The following RBFOX1 variants were observed in gnomAD, a reference collection of about 807,000 sequenced individuals.
RBFOX1 encodes the protein RNA binding fox-1 homolog 1, also known as RNA binding protein fox-1 homolog 1.
In RBFOX1, 8 loss-of-function variants were observed where a neutral mutation model predicts 57.7. That is an observed-to-expected ratio of 0.14 (90% confidence interval 0.08 to 0.25). RBFOX1 has a LOEUF of 0.25. RBFOX1 is among the 10% of genes least tolerant of loss of function. The probability of loss-of-function intolerance (pLI) is 1.00; values close to 1 mark genes in which losing one functional copy is unlikely to be tolerated. For synonymous variants in RBFOX1, 326 were observed against 222.4 expected, an observed-to-expected ratio of 1.47 and a Z score of -4.15; for missense variants, 611 against 548.5, an observed-to-expected ratio of 1.11 and a Z score of -1.14.
chr16:5,669,159 C>T (rs984121316), intron 3 of RBFOX1, among the ~76,000 whole-genome samples: 1 of 152,120 alleles, frequency 6.6e-6, no homozygotes, highest in Non-Finnish European at 1.5e-5. Flanking sequence ...GGCCTTTACC[C>T]CTAAGTGTGA....
At chr16:6,455,894 G>A (rs1041723157) in intron 2 of RBFOX1, among the ~76,000 whole-genome samples, 8 of 152,108 alleles carry the variant, frequency 5.3e-5, no homozygotes, top group Non-Finnish European at 1.2e-4. Context: ...TGAAATAATT[G>A]GGGGGTGGTA....
intron 3 of RBFOX1, among the ~76,000 whole-genome samples, chr16:7,016,188 C>G (rs757976058): frequency 1.3e-5 from 2 of 152,110 alleles, no homozygotes; most frequent in African/African-American, 2.4e-5. Context: ...ATTTGAAGTC[C>G]TTTGTTGAGA....
intron 4 of RBFOX1, among the ~76,000 whole-genome samples, chr16:7,277,953 A>C (rs1391865237): frequency 6.6e-6 from 1 of 152,102 alleles, no homozygotes; most frequent in Middle Eastern, 3.2e-3. Context: ...ATTAGCAAAA[A>C]AAAAAAAAAG....
chr16:6,613,003 A>ATGTGTGTGTG (rs57236292), intron 2 of RBFOX1, among the ~76,000 whole-genome samples: 8 of 143,160 alleles, frequency 5.6e-5, no homozygotes, highest in African/African-American at 1.6e-4. Flanking sequence ...CAGTCCCAGC[A>ATGTGTGTGTG]TGTGTGTGTG....
chr16:7,642,039 C>T (rs1301934789), intron 11 of RBFOX1, among the ~76,000 whole-genome samples: 1 of 152,098 alleles, frequency 6.6e-6, no homozygotes, highest in African/African-American at 2.4e-5. Context: ...GACTTGAGCC[C>T]AGGAGTTTGA....
intron 3 of RBFOX1, among the ~76,000 whole-genome samples, chr16:6,907,596 G>A (rs1402530034): frequency 2.6e-5 from 4 of 152,080 alleles, no homozygotes; most frequent in South Asian, 4.2e-4. Context: ...TTTTGATGGA[G>A]TCTCACTCTG....
intron 3 of RBFOX1, among the ~76,000 whole-genome samples, chr16:5,631,849 G>T (rs970990178): frequency 6.6e-6 from 1 of 152,174 alleles, no homozygotes; most frequent in Admixed American, 6.6e-5. Flanking sequence ...TTGGCCAAAG[G>T]CAGCTCCCAT....
intron 12 of RBFOX1, among the ~76,000 whole-genome samples, chr16:7,664,551 G>A (rs1327611528): frequency 6.6e-6 from 1 of 152,118 alleles, no homozygotes; most frequent in Non-Finnish European, 1.5e-5. Context: ...ATTCTGTGGG[G>A]TAGGGGGCTA....
chr16:5,622,329 T>C (rs926318137), intron 3 of RBFOX1, among the ~76,000 whole-genome samples: 2 of 152,210 alleles, frequency 1.3e-5, no homozygotes, highest in South Asian at 2.1e-4. Flanking sequence ...TATGCATAAT[T>C]AATTAGTTAT....
chr16:6,898,226 C>T (rs181133661), intron 3 of RBFOX1, among the ~76,000 whole-genome samples: 1 of 152,246 alleles, frequency 6.6e-6, no homozygotes, highest in Non-Finnish European at 1.5e-5. Context: ...ATGGCCGCCC[C>T]TTTGGCATCA....
chr16:7,603,361 T>C (rs1297255958), intron 9 of RBFOX1, among the ~76,000 whole-genome samples: 2 of 152,234 alleles, frequency 1.3e-5, no homozygotes, highest in African/African-American at 2.4e-5. Context: ...GAGATTCATG[T>C]TGGACAGCAG....
chr16:5,479,641 C>T (rs546646317), intron 2 of RBFOX1, among the ~76,000 whole-genome samples: 11 of 152,180 alleles, frequency 7.2e-5, no homozygotes, highest in East Asian at 1.9e-4. Flanking sequence ...CGCCTGTCAT[C>T]GCAGCTACTT....
intron 3 of RBFOX1, among the ~76,000 whole-genome samples, chr16:5,766,143 T>C (rs975182491): frequency 2.1e-4 from 32 of 152,204 alleles, no homozygotes; most frequent in African/African-American, 7.7e-4. Flanking sequence ...AATGCCATCA[T>C]AGATATTCAT....
intron 1 of RBFOX1, among the ~76,000 whole-genome samples, chr16:5,343,351 A>C (rs2065073714): frequency 8.2e-6 from 1 of 121,624 alleles, no homozygotes; most frequent in African/African-American, 3.2e-5. Flanking sequence ...ATCTTACTCC[A>C]TTGCCCAGGC....
rs763250831 is a variant in RBFOX1, at chr16:7,595,587, G to C, written c.507G>C (p.Ala169=). Residue 169 remains alanine (A), a synonymous_variant, in exon 8 of 16, where the codon GCG becomes GCC. Transcript: ENST00000550418. The part of the protein sequence containing the change: ...GFVTFENSAD[A]DRAREKLHGT... ...TAACTTTCGAAAATAGTGCCGATGC[G>C]GACAGGGCGAGGGAGAAATTACACG... 23 of 1,563,906 alleles carry C rather than the reference G, an allele frequency of 1.5e-5. No homozygotes were observed. The highest frequency in any genetic ancestry group is 2.0e-5 in the Non-Finnish European group (23 of 1,151,820).
chr16:6,456,563 T>G (rs111727970), intron 2 of RBFOX1, among the ~76,000 whole-genome samples: 1 of 152,182 alleles, frequency 6.6e-6, no homozygotes, highest in African/African-American at 2.4e-5. Flanking sequence ...TAAGGACAAT[T>G]GGGAACCATT....
At chr16:6,639,643 G>A (rs1216805319) in intron 2 of RBFOX1, among the ~76,000 whole-genome samples, 4 of 152,274 alleles carry the variant, frequency 2.6e-5, no homozygotes, top group African/African-American at 7.2e-5. Flanking sequence ...TTGGGAGGCC[G>A]AGGCGGGCGG....
At chr16:7,219,141 G>A (rs190420157) in intron 4 of RBFOX1, among the ~76,000 whole-genome samples, 6 of 152,230 alleles carry the variant, frequency 3.9e-5, no homozygotes, top group Middle Eastern at 3.4e-3. Context: ...AGCCCTGCTC[G>A]GAGTAGCCTT....
chr16:5,650,107 C>G (rs2049185293), intron 3 of RBFOX1, among the ~76,000 whole-genome samples: 1 of 152,330 alleles, frequency 6.6e-6, no homozygotes, highest in South Asian at 2.1e-4. Flanking sequence ...GAGCTTTCCT[C>G]TCAATAACCT....
Sources: allele counts gnomAD v4.1 joint callset (sites outside exome capture counted in the v4.1 genomes callset), GRCh38; gene constraint gnomAD v4.1.1; transcripts MANE v1.5; gene names NCBI Gene and HGNC (gene_info 2026-07-23, HGNC 2026-07-21).